CABIN1: variants seen among roughly 807,000 people sequenced by gnomAD.
The protein encoded by CABIN1 is calcineurin binding protein 1.
Under a neutral mutation model 227.7 loss-of-function variants are expected in CABIN1, and 133 were observed. That is an observed-to-expected ratio of 0.58 (90% CI 0.51 to 0.67). The LOEUF is 0.67. Among genes scored for constraint, CABIN1 ranks in the 30% least tolerant of loss-of-function variants. CABIN1 has a pLI of 0.00. For missense variants in CABIN1, 2,408 were observed against 2,852.5 expected (o/e 0.84, Z 3.55); for synonymous variants, 1,086 against 1,155.1 (o/e 0.94, Z 1.21).
At chr22:24,112,570 G>A (rs879775608) in intron 26 of CABIN1, among the ~76,000 whole-genome samples, 2 of 152,098 alleles carry the variant, frequency 1.3e-5, no homozygotes, top group Non-Finnish European at 2.9e-5. Flanking sequence ...GTTACTCAGT[G>A]CATGCCAGCC....
In CABIN1 at chr22:24,019,350, T is replaced by C. The variant is rs374640283; in HGVS notation, c.-75+7983T>C. ...TTTCACCATGTTGGTCAGGCTAGCCTCGAACTCCTGACTTCTTGATCCTCC... is the reference window on the plus strand; with the variant it reads ...TTTCACCATGTTGGTCAGGCTAGCCCCGAACTCCTGACTTCTTGATCCTCC... On this transcript the variant is annotated intron_variant, in intron 1 of 36. Transcript: ENST00000263119. Among the ~76,000 whole-genome samples the C allele has an allele frequency of 1.3e-4, 20 of 151,968 alleles. No homozygotes were observed. In the South Asian group the frequency reaches 4.1e-3, roughly 32 times the overall value.
rs1569147637 is a variant in CABIN1 at position 24,061,961 on chromosome 22, GTC to G, written c.1639_1640del (p.Ser547LeufsTer36). 1.9e-6 allele frequency: 3 copies of G among 1,613,818 alleles called. No individual in the cohort carries two copies. Among genetic ancestry groups the G allele is most frequent in the African/African-American group, 1.3e-5 (1 of 75,024 alleles). On this transcript the variant is annotated frameshift_variant, in exon 13 of 37. Coordinates refer to ENST00000263119, the MANE Select transcript of CABIN1 (RefSeq NM_012295.4). LOFTEE classifies it high-confidence loss of function. ...NKHIKDMMLM[S>X]LSCMELQLDQ... is the part of the protein sequence containing the mutation. ...CTGTCCTGCAGGACATGATGCTGAT[GTC>G]TCTCTCCTGCATGGAACTCCAGCTG... is the stretch of plus-strand genomic sequence containing the variant.
chr22:24,139,995 G>A (rs2267060), intron 29 of CABIN1, among the ~76,000 whole-genome samples: 38,003 of 152,236 alleles, frequency 0.25, 5,390 homozygotes, highest in East Asian at 0.39. Flanking sequence ...CCTTCATAAC[G>A]TGCTACAGGG....
intron 23 of CABIN1, among the ~76,000 whole-genome samples, chr22:24,089,502 A>G (rs978211838): frequency 1.3e-5 from 2 of 152,204 alleles, no homozygotes; most frequent in Admixed American, 1.3e-4. Flanking sequence ...TCCACCAGGA[A>G]TGCAGATGTC....
intron 26 of CABIN1, among the ~76,000 whole-genome samples, chr22:24,104,091 A>G (rs948535407): frequency 6.6e-6 from 1 of 152,152 alleles, no homozygotes; most frequent in Non-Finnish European, 1.5e-5. Flanking sequence ...AGCTTGGGAA[A>G]GCAGCTGGGC....
intron 4 of CABIN1, among the ~76,000 whole-genome samples, chr22:24,039,924 C>T (rs1431560555): frequency 2.6e-5 from 4 of 152,246 alleles, no homozygotes; most frequent in African/African-American, 4.8e-5. Context: ...CCAGCTGACT[C>T]CTAAGAAGCA....
intron 29 of CABIN1, among the ~76,000 whole-genome samples, chr22:24,136,764 C>A (rs1485924199): frequency 6.6e-6 from 1 of 151,728 alleles, no homozygotes; most frequent in Non-Finnish European, 1.5e-5. Flanking sequence ...CACACACACA[C>A]ACAGAAAGGC....
chr22:24,107,445 T>C (rs1345075071), intron 26 of CABIN1, among the ~76,000 whole-genome samples: 5 of 152,224 alleles, frequency 3.3e-5, no homozygotes, highest in African/African-American at 1.2e-4. Context: ...CAGCAGCCTT[T>C]TGTCCCTGCC....
intron 29 of CABIN1, among the ~76,000 whole-genome samples, chr22:24,153,689 C>T (rs2045621140): frequency 6.6e-6 from 1 of 152,098 alleles, no homozygotes; most frequent in Non-Finnish European, 1.5e-5. Flanking sequence ...TTGGAGAGGG[C>T]TGGCACAGAT....
At chr22:24,155,625 C>T (rs2045737933) in intron 29 of CABIN1, among the ~76,000 whole-genome samples, 1 of 152,202 alleles carries the variant, frequency 6.6e-6, no homozygotes, top group South Asian at 2.1e-4. Flanking sequence ...CGGCTGTGGC[C>T]AGTCGTTTCC....
At chr22:24,094,794 G>A (rs1420172121) in intron 24 of CABIN1, among the ~76,000 whole-genome samples, 2 of 146,148 alleles carry the variant, frequency 1.4e-5, no homozygotes, top group Admixed American at 6.8e-5. Flanking sequence ...TCCGCAGTCC[G>A]GCCTGGGCGA....
In CABIN1 at chr22:24,165,556, A is replaced by G; in HGVS notation, c.4937A>G (p.Gln1646Arg). Residue 1646 changes from glutamine to arginine, a missense_variant, in exon 31 of 37, where the codon CAG (glutamine) becomes CGG (arginine). Coordinates refer to ENST00000263119, the MANE Select transcript of CABIN1 (RefSeq NM_012295.4). ...GKKYLRDADR[Q>R]VLAQRAFILT... ...AAGTATCTGCGAGATGCTGACCGCC[A>G]GGTCCTGGCGCAGCGGGCCTTCATC... is the stretch of plus-strand genomic sequence containing the variant. 1.9e-6 allele frequency: 3 copies of G among 1,613,166 alleles called. No homozygotes were observed. Among genetic ancestry groups the G allele is most frequent in the Non-Finnish European group, 1.7e-6 (2 of 1,179,968 alleles).
chr22:24,064,212 G>A (rs1201714166), intron 15 of CABIN1, 25 bp downstream of exon 15: 1 of 1,613,668 alleles, frequency 6.2e-7, no homozygotes, highest in East Asian at 2.2e-5. Flanking sequence ...TCGTTTGTTT[G>A]TTTGTTTCCT....
chr22:24,111,789 G>T (rs2042822154), intron 26 of CABIN1, among the ~76,000 whole-genome samples: 1 of 152,210 alleles, frequency 6.6e-6, no homozygotes, highest in African/African-American at 2.4e-5. Context: ...TTGAACCATT[G>T]TAAGTTGGAG....
At chr22:24,047,388 G>A (rs189867307) in intron 6 of CABIN1, among the ~76,000 whole-genome samples, 2 of 152,176 alleles carry the variant, frequency 1.3e-5, no homozygotes, top group Non-Finnish European at 2.9e-5. Flanking sequence ...AGTGAGTTTA[G>A]CTTAATGCAG....
At chr22:24,102,613 C>T (rs2042270593) in intron 26 of CABIN1, among the ~76,000 whole-genome samples, 1 of 152,168 alleles carries the variant, frequency 6.6e-6, no homozygotes, top group South Asian at 2.1e-4. Context: ...CCCAGAGAAA[C>T]CTGGGCCTGT....
At chr22:24,062,086 A>G (rs1010715346) in intron 13 of CABIN1, 61 bp downstream of exon 13, 1 of 1,360,480 alleles carries the variant, frequency 7.4e-7, no homozygotes, top group Non-Finnish European at 1.0e-6. Context: ...AGCTGGGAGA[A>G]AGCTGAGGCG....
chr22:24,075,127 C>G (rs1457072870), intron 18 of CABIN1, among the ~76,000 whole-genome samples: 2 of 152,068 alleles, frequency 1.3e-5, no homozygotes, highest in East Asian at 3.9e-4. Context: ...GACTTGAGCC[C>G]AGGAGTTGGA....
chr22:24,059,506 A>G (rs1308151118), intron 11 of CABIN1, 143 bp downstream of exon 11: 1 of 1,025,488 alleles, frequency 9.8e-7, no homozygotes, highest in African/African-American at 1.6e-5. Flanking sequence ...TCTTGGACCT[A>G]AGCCCTGTGG....
Sources: gnomAD v4.1 joint callset for allele counts (sites outside exome capture counted in the v4.1 genomes callset) on GRCh38, gnomAD v4.1.1 for gene constraint, MANE v1.5 for transcripts, NCBI Gene and HGNC (gene_info 2026-07-23, HGNC 2026-07-21) for gene names.